The following WDR37 variants were observed in gnomAD, a reference collection of about 807,000 sequenced individuals.
WDR37 encodes the protein WD repeat-containing protein 37.
Under a neutral mutation model 62.9 loss-of-function variants are expected in WDR37, and 19 were observed. The observed-to-expected ratio is 0.30, with a 90% CI of 0.21 to 0.44. WDR37 has a LOEUF of 0.44. WDR37 is among the 20% of genes least tolerant of loss of function. The probability of loss-of-function intolerance (pLI) is 1.00; values close to 1 mark genes in which losing one functional copy is unlikely to be tolerated. For synonymous variants in WDR37, 250 were observed against 260.9 expected (o/e 0.96, Z 0.40); for missense variants, 474 against 657.6 (o/e 0.72, Z 3.05).
At chr10:1,079,917 T>C in intron 3 of WDR37, 94 bp from the exon 4 acceptor site, 1 of 918,628 alleles carries the variant, frequency 1.1e-6, no homozygotes, top group Non-Finnish European at 1.7e-6. Context: ...AACACTAATA[T>C]ATAGCATTTT....
At chr10:1,083,075 G>A (rs773777307) in intron 5 of WDR37, among the ~76,000 whole-genome samples, 1 of 152,176 alleles carries the variant, frequency 6.6e-6, no homozygotes, top group Non-Finnish European at 1.5e-5. Flanking sequence ...ATTATGGTGG[G>A]AGGTTGTGTG....
At chr10:1,127,587 T>C (rs1835832639) in intron 13 of WDR37, among the ~76,000 whole-genome samples, 1 of 151,958 alleles carries the variant, frequency 6.6e-6, no homozygotes, top group Admixed American at 6.6e-5. Context: ...AGTGCTGGAG[T>C]AGGTGTCACT....
intron 5 of WDR37, among the ~76,000 whole-genome samples, chr10:1,081,395 T>A (rs577582152): frequency 6.6e-6 from 1 of 152,370 alleles, no homozygotes; most frequent in South Asian, 2.1e-4. Context: ...GTGATCTTGC[T>A]ATGATGGTGT....
At chr10:1,107,056 C>T (rs562083764) in intron 11 of WDR37, among the ~76,000 whole-genome samples, 12 of 152,302 alleles carry the variant, frequency 7.9e-5, no homozygotes, top group South Asian at 6.2e-4. Context: ...AGTGGCTGAA[C>T]GCAGCACTGT....
At chr10:1,074,993 G>T (rs1833831758) in intron 2 of WDR37, among the ~76,000 whole-genome samples, 1 of 152,250 alleles carries the variant, frequency 6.6e-6, no homozygotes, top group Admixed American at 6.5e-5. Flanking sequence ...CGATGTGATG[G>T]AAGAAATTCA....
At chr10:1,117,648 G>A (rs1835445988) in intron 11 of WDR37, among the ~76,000 whole-genome samples, 1 of 152,190 alleles carries the variant, frequency 6.6e-6, no homozygotes, top group Non-Finnish European at 1.5e-5. Context: ...GACAGACTCC[G>A]GAGACAGGTG....
At chr10:1,129,115 T>TA (rs1448063633) in intron 13 of WDR37, 98 bp from the exon 14 acceptor site, 8 of 1,529,190 alleles carry the variant, frequency 5.2e-6, no homozygotes, top group South Asian at 2.5e-5. Flanking sequence ...TCCTATAACT[T>TA]ACGTACTTTG....
chr10:1,086,394 G>A (rs776462446), intron 7 of WDR37, 37 bp downstream of exon 7: 23 of 1,546,372 alleles, frequency 1.5e-5, no homozygotes, highest in African/African-American at 2.7e-5. Flanking sequence ...GCCAGAGGCC[G>A]TTGCCTTCTC....
At chr10:1,065,804 A>T (rs923863313) in intron 1 of WDR37, among the ~76,000 whole-genome samples, 6 of 152,348 alleles carry the variant, frequency 3.9e-5, no homozygotes, top group Admixed American at 3.3e-4. Context: ...ATAGTAATTT[A>T]AGATAGTACT....
intron 11 of WDR37, among the ~76,000 whole-genome samples, chr10:1,118,621 C>T (rs1320505553): frequency 1.3e-5 from 2 of 152,244 alleles, no homozygotes; most frequent in Non-Finnish European, 2.9e-5. Flanking sequence ...GTTTCTGGTG[C>T]TCAGCAGCAG....
Position 1,132,140 on chromosome 10 carries a change from A to C in WDR37, c.*2796A>C, listed in dbSNP as rs1835960886. The C allele has an allele frequency of 6.6e-6, 1 of 152,664 alleles. No homozygotes were observed. Among genetic ancestry groups the C allele is most frequent in the African/African-American group, 2.4e-5 (1 of 41,472 alleles). The allele number at this position is 152,664 out of a possible 1,614,324, so 9.5% of individuals were successfully genotyped here. The stretch of plus-strand genomic sequence containing the variant: ...TCATTGCAATATGAAATTCATTAAA[A>C]TGTCCATGTTCCATAATTACTATTA... On this transcript the variant is annotated 3_prime_UTR_variant, in exon 14 of 14. Coordinates refer to ENST00000263150, the MANE Select transcript of WDR37 (RefSeq NM_014023.4).
At chr10:1,071,968 A>C in intron 1 of WDR37, 148 bp from the exon 2 acceptor site, 1 of 560,044 alleles carries the variant, frequency 1.8e-6, no homozygotes, top group Non-Finnish European at 2.9e-6. Flanking sequence ...ACCTTAAAAC[A>C]TCTTAATTTG....
intron 13 of WDR37, among the ~76,000 whole-genome samples, chr10:1,126,299 G>A (rs186960707): frequency 3.2e-4 from 48 of 151,358 alleles, no homozygotes; most frequent in South Asian, 1.5e-3. Context: ...CCAGCTACTC[G>A]GGAGGCTGAG....
intron 1 of WDR37, among the ~76,000 whole-genome samples, chr10:1,063,446 C>T (rs1833434701): frequency 6.6e-6 from 1 of 152,164 alleles, no homozygotes; most frequent in Non-Finnish European, 1.5e-5. Context: ...CTAAATATCA[C>T]AGGAAACCCT....
intron 1 of WDR37, among the ~76,000 whole-genome samples, chr10:1,066,328 G>A (rs950274412): frequency 1.2e-4 from 19 of 152,310 alleles, no homozygotes; most frequent in East Asian, 3.9e-4. Context: ...GTGTTAGCTA[G>A]GATGGTCTCG....
At chr10:1,102,920 G>C (rs1017047243) in intron 9 of WDR37, among the ~76,000 whole-genome samples, 1 of 152,206 alleles carries the variant, frequency 6.6e-6, no homozygotes, top group African/African-American at 2.4e-5. Context: ...CTACCTGCTA[G>C]ATTGAGCGTA....
At chr10:1,124,392 A>T (rs1229116336) in intron 12 of WDR37, 40 bp downstream of exon 12, 1 of 1,611,990 alleles carries the variant, frequency 6.2e-7, no homozygotes, top group South Asian at 1.1e-5. Flanking sequence ...GCTTAGTTTG[A>T]TGTGAAAGGA....
At chr10:1,111,078 C>T (rs1218351645) in intron 11 of WDR37, among the ~76,000 whole-genome samples, 2 of 152,146 alleles carry the variant, frequency 1.3e-5, no homozygotes, top group African/African-American at 4.8e-5. Flanking sequence ...TTAGTGATAC[C>T]CCTTAAACAG....
intron 1 of WDR37, among the ~76,000 whole-genome samples, chr10:1,068,192 G>T (rs969720680): frequency 3.3e-5 from 5 of 152,028 alleles, no homozygotes; most frequent in Non-Finnish European, 7.4e-5. Flanking sequence ...TAAGAAAGCA[G>T]TATCTTAGGC....
Sources: allele counts gnomAD v4.1 joint callset (sites outside exome capture counted in the v4.1 genomes callset), GRCh38; gene constraint gnomAD v4.1.1; transcripts MANE v1.5; gene names NCBI Gene and HGNC (gene_info 2026-07-23, HGNC 2026-07-21).